Variants in GALNS observed in about 807,000 individuals in gnomAD.
The protein encoded by GALNS is galactosamine (N-acetyl)-6-sulfatase.
In GALNS, 65 loss-of-function variants were observed where a neutral mutation model predicts 65.9. The observed-to-expected ratio is 0.99, with a 90% CI of 0.81 to 1.21. The LOEUF (loss-of-function observed/expected upper bound fraction) is 1.21, where lower values mean the gene tolerates loss of function less well. Among genes scored for constraint, GALNS ranks in the 50% most tolerant of loss-of-function variants. GALNS has a pLI of 0.00. For missense variants in GALNS, 776 were observed against 700.7 expected, an observed-to-expected ratio of 1.11 and a Z score of -1.21; for synonymous variants, 346 against 288.9, an observed-to-expected ratio of 1.20 and a Z score of -2.00.
At chr16:88,816,636 T>C (rs951893103) in intron 13 of GALNS, 1 of 984,492 alleles carries the variant, frequency 1.0e-6, no homozygotes, top group Non-Finnish European at 1.2e-6. Flanking sequence ...TCCTCACTGC[T>C]GGTAGGTGCT....
intron 1 of GALNS, among the ~76,000 whole-genome samples, chr16:88,846,149 G>A (rs1381064145): frequency 6.6e-6 from 1 of 152,252 alleles, no homozygotes; most frequent in Non-Finnish European, 1.5e-5. Flanking sequence ...GTTCATCTGT[G>A]TTAATGGGTG....
intron 9 of GALNS, among the ~76,000 whole-genome samples, chr16:88,830,676 G>A (rs1046479679): frequency 6.6e-6 from 1 of 152,216 alleles, no homozygotes; most frequent in Non-Finnish European, 1.5e-5. Context: ...CTCAACCGAG[G>A]GGCAGCTTCC....
In GALNS at chr16:88,836,134, G is replaced by C; in HGVS notation, c.633+67C>G. The C allele has an allele frequency of 1.2e-5, 17 of 1,439,912 alleles. No individual in the cohort carries two copies. In the South Asian group the frequency reaches 2.0e-4, roughly 17 times the overall value. 89.2% of individuals were successfully genotyped at this position (1,439,912 alleles called of 1,614,324 possible). ...CATTCCTGTCCCCACGCCTCCCACAGGATGAGGTTGGTGCGGTCCCCGTCC... is the reference window on the plus strand; with the variant it reads ...CATTCCTGTCCCCACGCCTCCCACACGATGAGGTTGGTGCGGTCCCCGTCC... On this transcript the variant is annotated intron_variant, in intron 6 of 13. Transcript: ENST00000268695.
chr16:88,839,181 CAG>C (rs1340621900), intron 4 of GALNS, among the ~76,000 whole-genome samples: 1 of 149,906 alleles, frequency 6.7e-6, no homozygotes, highest in East Asian at 1.9e-4. Flanking sequence ...CGCCCGGCCA[CAG>C]GGGACACTCG....
intron 5 of GALNS, 78 bp from the exon 6 acceptor site, chr16:88,836,345 G>A: frequency 8.5e-7 from 1 of 1,170,690 alleles, no homozygotes; most frequent in Non-Finnish European, 1.2e-6. Flanking sequence ...CACCAGCAAA[G>A]CCATGGGCTT....
rs2303272 is a variant in GALNS at position 88,817,823 on chromosome 16, T to C, written c.1482+184A>G. ...AGCGTTGTTCTGGTCCCCGAGTCGC[T>C]TGGCTCCTGCCTCCCGAATCCCGGA... On this transcript the variant is annotated intron_variant, in intron 13 of 13. Coordinates refer to ENST00000268695, the MANE Select transcript of GALNS (RefSeq NM_000512.5). 0.042 allele frequency among the ~76,000 whole-genome samples: 6,331 copies of C among 152,160 alleles called. 160 individuals carry two copies. The highest frequency in any genetic ancestry group is 0.084 in the South Asian group (402 of 4,812).
rs761184988 is a variant in GALNS at position 88,822,669 on chromosome 16, T to C, written c.1284A>G (p.Thr428=). 5 of 1,613,118 alleles carry C rather than the reference T, an allele frequency of 3.1e-6. No individual in the cohort carries two copies. The highest frequency in any genetic ancestry group is 4.2e-6 in the Non-Finnish European group (5 of 1,179,808). ...TCGTGTGGTCTTCCAGATTGTGAGT[T>C]GTGACCCCTGAAACGTTCTGCCCAG... ...FCPGQNVSGV[T]THNLEDHTKL... Residue 428 remains threonine, a synonymous_variant, in exon 12 of 14, where the codon ACA becomes ACG. Coordinates refer to ENST00000268695, the MANE Select transcript of GALNS (RefSeq NM_000512.5).
chr16:88,829,840 G>A lies in GALNS; in HGVS notation c.1002+2158C>T, dbSNP rs144431916. ...CGCGACCAGGCCAGGCAATTGAGGCGGCAGACACAACGCAGGCCGCTCATC... is the reference window on the plus strand; with the variant it reads ...CGCGACCAGGCCAGGCAATTGAGGCAGCAGACACAACGCAGGCCGCTCATC... On this transcript the variant is annotated intron_variant, in intron 9 of 13. Coordinates refer to ENST00000268695, the MANE Select transcript of GALNS (RefSeq NM_000512.5). Among the ~76,000 whole-genome samples, 390 of 152,336 alleles carry A rather than the reference G, an allele frequency of 2.6e-3. 1 individual carries two copies. Among genetic ancestry groups the A allele is most frequent in the African/African-American group, 8.7e-3 (362 of 41,572 alleles).
chr16:88,833,991 T>C (rs1911800104), intron 8 of GALNS, among the ~76,000 whole-genome samples: 1 of 151,360 alleles, frequency 6.6e-6, no homozygotes, highest in Admixed American at 6.6e-5. Flanking sequence ...GGGCTCCCCA[T>C]GGGGAATGAC....
intron 3 of GALNS, among the ~76,000 whole-genome samples, chr16:88,841,628 G>T (rs1406494869): frequency 6.6e-6 from 1 of 152,226 alleles, no homozygotes; most frequent in South Asian, 2.1e-4. Flanking sequence ...CGGCTCACCC[G>T]CCTGGGGAGT....
At chr16:88,830,441 G>A (rs904416467) in intron 9 of GALNS, among the ~76,000 whole-genome samples, 1 of 152,102 alleles carries the variant, frequency 6.6e-6, no homozygotes, top group Non-Finnish European at 1.5e-5. Flanking sequence ...GCCCCATGTT[G>A]ACTCTGGCTG....
intron 1 of GALNS, among the ~76,000 whole-genome samples, chr16:88,846,033 T>G (rs1048882957): frequency 6.6e-6 from 1 of 152,206 alleles, no homozygotes; most frequent in Non-Finnish European, 1.5e-5. Flanking sequence ...ATTCCACTTG[T>G]AGGAGTTTAT....
chr16:88,848,083 G>C (rs1465726661), intron 1 of GALNS, among the ~76,000 whole-genome samples: 1 of 152,198 alleles, frequency 6.6e-6, no homozygotes, highest in East Asian at 1.9e-4. Context: ...GGGGAAAATA[G>C]ACACAAGGCC....
At chr16:88,817,447 G>T (rs1909748204) in intron 13 of GALNS, 1 of 985,334 alleles carries the variant, frequency 1.0e-6, no homozygotes, top group Non-Finnish European at 1.2e-6. Context: ...TGATGCGAAG[G>T]TCTCTGGGGC....
chr16:88,842,181 G>A, intron 2 of GALNS: 2 of 657,220 alleles, frequency 3.0e-6, no homozygotes, highest in Middle Eastern at 3.6e-4. Flanking sequence ...CGTGGCCCTT[G>A]GGCCCTGCAG....
At chr16:88,841,217 A>G (rs1966954180) in intron 3 of GALNS, 123 bp from the exon 4 acceptor site, 1 of 785,186 alleles carries the variant, frequency 1.3e-6, no homozygotes, top group African/African-American at 1.7e-5. Context: ...CTCGGGGTCA[A>G]AGGCTGTGCC....
intron 1 of GALNS, among the ~76,000 whole-genome samples, chr16:88,847,956 A>T (rs1330091461): frequency 2.0e-5 from 3 of 152,242 alleles, no homozygotes; most frequent in Admixed American, 1.3e-4. Context: ...ATGCCCATCC[A>T]TGGGTGGAAG....
At position 88,817,919 on chromosome 16, in the gene GALNS, C is replaced by T. The variant is rs545246941; in HGVS notation, c.1482+88G>A. ...AGGCGGGGAAGCACGCCTGCCTCTGCCCTGTGCTGGCCACGGTTCATCCTG... is the reference window on the plus strand; with the variant it reads ...AGGCGGGGAAGCACGCCTGCCTCTGTCCTGTGCTGGCCACGGTTCATCCTG... On this transcript the variant is annotated intron_variant, in intron 13 of 13. Coordinates refer to ENST00000268695, the MANE Select transcript of GALNS (RefSeq NM_000512.5). 1.5e-4 allele frequency: 170 copies of T among 1,111,990 alleles called. 4 individuals are homozygous for T. In the South Asian group the frequency reaches 2.2e-3, roughly 14 times the overall value. The allele number at this position is 1,111,990 out of a possible 1,614,324, so 68.9% of individuals were successfully genotyped here. A position where few individuals can be genotyped will look rare whatever the true frequency, so the allele number is the denominator to read the frequency against.
intron 1 of GALNS, chr16:88,856,180 G>T: frequency 2.8e-6 from 2 of 702,992 alleles, no homozygotes; most frequent in African/African-American, 1.7e-5. Context: ...CAGCCTTTCA[G>T]TTCTTCAGAC....
Sources: gnomAD v4.1 joint callset for allele counts (sites outside exome capture counted in the v4.1 genomes callset) on GRCh38, gnomAD v4.1.1 for gene constraint, MANE v1.5 for transcripts, NCBI Gene and HGNC (gene_info 2026-07-23, HGNC 2026-07-21) for gene names.